HMCN1: variants seen among roughly 807,000 people sequenced by gnomAD.
The protein encoded by HMCN1 is hemicentin-1.
A neutral mutation model predicts 625.9 loss-of-function variants in HMCN1; 321 were observed. The observed-to-expected ratio is 0.51, with a 90% CI of 0.47 to 0.56. The LOEUF (loss-of-function observed/expected upper bound fraction) is 0.56. Among genes scored for constraint, HMCN1 ranks in the 20% least tolerant of loss-of-function variants. The pLI is 0.00. For missense variants in HMCN1, 6,588 were observed against 6,887.3 expected, an observed-to-expected ratio of 0.96 and a Z score of 1.54; for synonymous variants, 2,425 against 2,417.6, an observed-to-expected ratio of 1.00 and a Z score of -0.09.
At chr1:185,819,946 G>A (rs895358537) in intron 1 of HMCN1, among the ~76,000 whole-genome samples, 2 of 152,120 alleles carry the variant, frequency 1.3e-5, no homozygotes, top group Non-Finnish European at 2.9e-5. Context: ...GGCATGGCAA[G>A]TCACAGGAGA....
chr1:186,036,503 A>G (rs1350899803), intron 36 of HMCN1, among the ~76,000 whole-genome samples: 2 of 152,128 alleles, frequency 1.3e-5, no homozygotes, highest in South Asian at 2.1e-4. Context: ...CCATGATTCA[A>G]TTATCTACCA....
intron 50 of HMCN1, 98 bp from the exon 51 acceptor site, chr1:186,069,565 G>GA (rs1424159882): frequency 1.3e-6 from 1 of 765,776 alleles, no homozygotes; most frequent in Non-Finnish European, 2.3e-6. Flanking sequence ...TATGTAAAAA[G>GA]AAATATGTTA....
chr1:185,878,497 T>C (rs1419343859), intron 4 of HMCN1, among the ~76,000 whole-genome samples: 3 of 152,194 alleles, frequency 2.0e-5, no homozygotes, highest in Non-Finnish European at 2.9e-5. Context: ...TGTGAGATGA[T>C]CACATGGTTT....
At chr1:185,901,981 T>C (rs1299789844) in intron 4 of HMCN1, among the ~76,000 whole-genome samples, 4 of 151,782 alleles carry the variant, frequency 2.6e-5, no homozygotes, top group African/African-American at 9.7e-5. Flanking sequence ...CCTTCCAGTA[T>C]ATGTTGGGGG....
intron 9 of HMCN1, among the ~76,000 whole-genome samples, chr1:185,927,835 G>A (rs1667352869): frequency 6.6e-6 from 1 of 152,018 alleles, no homozygotes; most frequent in Admixed American, 6.6e-5. Context: ...GCCTATTTTT[G>A]TAGATCATCG....
At chr1:185,743,455 G>A (rs1335645610) in intron 1 of HMCN1, among the ~76,000 whole-genome samples, 1 of 152,200 alleles carries the variant, frequency 6.6e-6, no homozygotes, top group African/African-American at 2.4e-5. Flanking sequence ...TTCTAAAGCA[G>A]GTGATTTTGT....
chr1:186,108,678 A>T (rs1382881836), intron 71 of HMCN1, 81 bp downstream of exon 71: 1 of 1,490,162 alleles, frequency 6.7e-7, no homozygotes, highest in African/African-American at 1.4e-5. Context: ...TTTGCTGGGT[A>T]CACAAAACCA....
At chr1:186,032,919 AC>A (rs1268321661) in intron 36 of HMCN1, among the ~76,000 whole-genome samples, 3 of 152,104 alleles carry the variant, frequency 2.0e-5, no homozygotes, top group Non-Finnish European at 4.4e-5. Flanking sequence ...CTGGGTATTT[AC>A]CCAAAAGAAA....
chr1:186,100,548 T>C (rs1660338495), intron 68 of HMCN1, among the ~76,000 whole-genome samples: 1 of 152,170 alleles, frequency 6.6e-6, no homozygotes, highest in Admixed American at 6.6e-5. Context: ...GTCTGCTTTT[T>C]ATCCTGTAAC....
In HMCN1 at chr1:185,990,424, A is replaced by G; in HGVS notation, c.3358A>G (p.Ile1120Val). 1.2e-6 allele frequency: 2 copies of G among 1,614,024 alleles called. No individual in the cohort carries two copies. Among genetic ancestry groups the G allele is most frequent in the South Asian group, 2.2e-5 (2 of 91,082 alleles). The change falls in exon 22 of 107, where the codon ATC becomes GTC. Residue 1120 changes from isoleucine to valine, a missense_variant. Transcript: ENST00000271588. The stretch of plus-strand genomic sequence containing the variant: ...TACTTGGGCCAAAGAAACCCAGCTC[A>G]TCTCACCGTTCTCTCCAAGGTAGGA... Reference protein sequence around the residue: ...IITWAKETQLISPFSPRHTFL... With the variant: ...IITWAKETQLVSPFSPRHTFL...
At chr1:186,024,090 C>T (rs1444450019) in intron 36 of HMCN1, among the ~76,000 whole-genome samples, 1 of 152,144 alleles carries the variant, frequency 6.6e-6, no homozygotes, top group Admixed American at 6.6e-5. Context: ...ATTCTTTTCC[C>T]AGTCCCTGAA....
At chr1:185,748,176 T>C (rs1043689793) in intron 1 of HMCN1, among the ~76,000 whole-genome samples, 3 of 152,120 alleles carry the variant, frequency 2.0e-5, no homozygotes, top group Non-Finnish European at 2.9e-5. Context: ...AAATCTGTTA[T>C]GCTTTTTGTT....
chr1:185,919,830 C>T (rs181349948), intron 6 of HMCN1, among the ~76,000 whole-genome samples: 7 of 152,258 alleles, frequency 4.6e-5, no homozygotes, highest in African/African-American at 1.7e-4. Context: ...AATACTCTCT[C>T]ACAGGGACTT....
At position 185,737,406 on chromosome 1, in the gene HMCN1, T is replaced by C. The variant is rs200866019; in HGVS notation, c.268+2359T>C. 7.2e-5 allele frequency among the ~76,000 whole-genome samples: 11 copies of C among 152,272 alleles called. No homozygotes were observed. In the East Asian group the frequency reaches 2.1e-3, roughly 29 times the overall value. ...CTCAAGTGATTGTGCTGCCTTGGCC[T>C]CCCAAAGTGCTGGGATTACAGGCAG... is the stretch of plus-strand genomic sequence containing the variant. On this transcript the variant is annotated intron_variant, in intron 1 of 106. Coordinates refer to ENST00000271588, the MANE Select transcript of HMCN1 (RefSeq NM_031935.3).
intron 86 of HMCN1, among the ~76,000 whole-genome samples, chr1:186,134,219 A>G (rs899837613): frequency 1.3e-5 from 2 of 152,202 alleles, no homozygotes; most frequent in African/African-American, 4.8e-5. Flanking sequence ...AATTAATTCA[A>G]TTGAAGTATG....
At chr1:186,137,082 C>A in intron 87 of HMCN1, 145 bp downstream of exon 87, 1 of 1,015,406 alleles carries the variant, frequency 9.8e-7, no homozygotes, top group South Asian at 1.4e-5. Flanking sequence ...TCAAAATTTA[C>A]AGATTGAAGG....
At chr1:185,754,706 G>A (rs1477253723) in intron 1 of HMCN1, among the ~76,000 whole-genome samples, 1 of 152,022 alleles carries the variant, frequency 6.6e-6, no homozygotes, top group Non-Finnish European at 1.5e-5. Context: ...AAATTAACCA[G>A]GCATGATGGC....
intron 1 of HMCN1, among the ~76,000 whole-genome samples, chr1:185,794,127 AT>A (rs1557973864): frequency 6.6e-6 from 1 of 152,112 alleles, no homozygotes; most frequent in Non-Finnish European, 1.5e-5. Flanking sequence ...TTTTATCTCT[AT>A]TTGATAGATT....
chr1:185,783,343 A>C (rs1232192340), intron 1 of HMCN1, among the ~76,000 whole-genome samples: 1 of 152,148 alleles, frequency 6.6e-6, no homozygotes, highest in African/African-American at 2.4e-5. Context: ...TCTTCTCTCA[A>C]CTTATCAAAG....
Sources: gnomAD v4.1 joint callset for allele counts (sites outside exome capture counted in the v4.1 genomes callset) on GRCh38, gnomAD v4.1.1 for gene constraint, MANE v1.5 for transcripts, NCBI Gene and HGNC (gene_info 2026-07-23, HGNC 2026-07-21) for gene names.